TTC28: variants seen among roughly 807,000 people sequenced by gnomAD.
The protein encoded by TTC28 is tetratricopeptide repeat domain 28, also known as tetratricopeptide repeat protein 28.
In TTC28, 61 loss-of-function variants were observed where a neutral mutation model predicts 198.0. The ratio of observed to expected loss-of-function variants is 0.31; its 90% CI spans 0.25 to 0.38. The LOEUF (loss-of-function observed/expected upper bound fraction) is 0.38. Ranked by LOEUF, TTC28 falls within the 10% of genes least tolerant of loss-of-function variation. The pLI, the probability that TTC28 is intolerant of heterozygous loss-of-function variation, is 1.00. For synonymous variants in TTC28, 1,171 were observed against 1,297.8 expected (o/e 0.90, Z 2.10); for missense variants, 2,678 against 3,164.0 (o/e 0.85, Z 3.69).
intron 12 of TTC28, among the ~76,000 whole-genome samples, chr22:28,040,558 A>G (rs1401863217): frequency 6.6e-6 from 1 of 152,200 alleles, no homozygotes; most frequent in Non-Finnish European, 1.5e-5. Flanking sequence ...AAAACTCTCA[A>G]TAAACTAGGT....
At chr22:28,136,957 G>A (rs945243855) in intron 6 of TTC28, among the ~76,000 whole-genome samples, 1 of 152,144 alleles carries the variant, frequency 6.6e-6, no homozygotes, top group Non-Finnish European at 1.5e-5. Flanking sequence ...GACTGCTGAG[G>A]TTCCACTGGA....
At chr22:28,033,686 C>T (rs1187366118) in intron 12 of TTC28, among the ~76,000 whole-genome samples, 3 of 152,168 alleles carry the variant, frequency 2.0e-5, no homozygotes, top group East Asian at 3.9e-4. Flanking sequence ...CTGACTGATA[C>T]ATACTGTATG....
At chr22:27,992,725 C>T in intron 18 of TTC28, 62 bp from the exon 19 acceptor site, 2 of 1,490,822 alleles carry the variant, frequency 1.3e-6, no homozygotes, top group Non-Finnish European at 1.8e-6. Context: ...AAGCCTGCCA[C>T]CTTCCCAGGG....
chr22:28,674,785 C>T (rs1189474192), intron 1 of TTC28, among the ~76,000 whole-genome samples: 1 of 145,562 alleles, frequency 6.9e-6, no homozygotes, highest in Non-Finnish European at 1.5e-5. Flanking sequence ...CACCACTGCA[C>T]TCCAGCCTGG....
intron 5 of TTC28, among the ~76,000 whole-genome samples, chr22:28,184,787 C>T (rs1487496662): frequency 1.3e-5 from 2 of 151,860 alleles, no homozygotes; most frequent in Non-Finnish European, 2.9e-5. Context: ...AAAATATGTG[C>T]TAAGTTTCAA....
intron 1 of TTC28, among the ~76,000 whole-genome samples, chr22:28,650,451 A>G (rs1214148263): frequency 1.3e-5 from 2 of 152,226 alleles, no homozygotes; most frequent in East Asian, 3.8e-4. Flanking sequence ...GAAGATACCC[A>G]GTAATCTTTT....
At chr22:28,123,248 TTTTGTTTG>T (rs571873472) in intron 6 of TTC28, among the ~76,000 whole-genome samples, 10 of 151,694 alleles carry the variant, frequency 6.6e-5, no homozygotes, top group Non-Finnish European at 7.4e-5. Context: ...AGGTTTTTTT[TTTTGTTTG>T]TTTGTTTGTT....
intron 13 of TTC28, among the ~76,000 whole-genome samples, chr22:28,026,293 C>T (rs1286922061): frequency 2.0e-5 from 3 of 152,178 alleles, no homozygotes; most frequent in Non-Finnish European, 2.9e-5. Context: ...TGGCTGCACA[C>T]TCCATAACAT....
chr22:28,092,711 T>C (rs1355092736), intron 12 of TTC28, among the ~76,000 whole-genome samples: 5 of 152,208 alleles, frequency 3.3e-5, no homozygotes, highest in African/African-American at 9.7e-5. Flanking sequence ...TAGTTTATTA[T>C]GGTCATTTAT....
intron 6 of TTC28, among the ~76,000 whole-genome samples, chr22:28,141,131 C>T (rs1009410925): frequency 6.6e-6 from 1 of 152,190 alleles, no homozygotes; most frequent in African/African-American, 2.4e-5. Context: ...CAGAGGCGCT[C>T]AATCTCTGCT....
chr22:28,231,243 A>G (rs1176934948), intron 5 of TTC28, among the ~76,000 whole-genome samples: 1 of 152,254 alleles, frequency 6.6e-6, no homozygotes, highest in Non-Finnish European at 1.5e-5. Context: ...ATAGATATGT[A>G]AACAAATGCT....
At chr22:28,425,568 A>G (rs1276223247) in intron 2 of TTC28, among the ~76,000 whole-genome samples, 2 of 152,234 alleles carry the variant, frequency 1.3e-5, no homozygotes, top group South Asian at 4.1e-4. Context: ...TGGCTGATAC[A>G]TTGTGTGTAA....
intron 2 of TTC28, among the ~76,000 whole-genome samples, chr22:28,450,171 C>CAT (rs957932213): frequency 4.6e-5 from 7 of 151,880 alleles, no homozygotes; most frequent in African/African-American, 1.7e-4. Context: ...ATGATGATGA[C>CAT]ATATATATAT....
chr22:28,491,501 A>G (rs1012521596), intron 2 of TTC28, among the ~76,000 whole-genome samples: 3 of 152,246 alleles, frequency 2.0e-5, no homozygotes, highest in African/African-American at 7.2e-5. Flanking sequence ...CAAAAAACAC[A>G]TGAAAAAATG....
intron 2 of TTC28, among the ~76,000 whole-genome samples, chr22:28,596,234 A>C (rs915945380): frequency 9.9e-5 from 15 of 152,172 alleles, no homozygotes; most frequent in Non-Finnish European, 2.1e-4. Context: ...AAAAGAACCA[A>C]AGTGGGGAAG....
chr22:28,211,405 A>G (rs539318621), intron 5 of TTC28, among the ~76,000 whole-genome samples: 13 of 152,298 alleles, frequency 8.5e-5, no homozygotes, highest in African/African-American at 2.9e-4. Context: ...ATGCAGACAC[A>G]CACATAGGCT....
intron 6 of TTC28, among the ~76,000 whole-genome samples, chr22:28,113,603 G>T (rs1339664041): frequency 6.6e-6 from 1 of 152,184 alleles, no homozygotes; most frequent in Non-Finnish European, 1.5e-5. Flanking sequence ...TATTAGTCTT[G>T]CTAGGTGTGA....
intron 14 of TTC28, among the ~76,000 whole-genome samples, chr22:28,009,591 C>T (rs1227283741): frequency 2.6e-5 from 4 of 152,196 alleles, no homozygotes; most frequent in South Asian, 2.1e-4. Flanking sequence ...ACCTGGGCAG[C>T]GCAGGTGACG....
At chr22:28,063,715 CTCCAACTTCCCATCCACACGCA>C (rs1352610094) in intron 12 of TTC28, among the ~76,000 whole-genome samples, 55 of 152,294 alleles carry the variant, frequency 3.6e-4, no homozygotes, top group African/African-American at 1.2e-3. Context: ...CTCAGGTTGA[CTCCAACTTCCCATCCACACGCA>C]TAACACAGTC....
Sources: allele counts gnomAD v4.1 joint callset (sites outside exome capture counted in the v4.1 genomes callset), GRCh38; gene constraint gnomAD v4.1.1; transcripts MANE v1.5; gene names NCBI Gene and HGNC (gene_info 2026-07-23, HGNC 2026-07-21).